The following NRG3 variants were observed in gnomAD, a reference collection of about 807,000 sequenced individuals.
NRG3 encodes the protein pro-neuregulin-3, membrane-bound isoform.
A neutral mutation model predicts 66.9 loss-of-function variants in NRG3; 31 were observed. The ratio of observed to expected loss-of-function variants is 0.46; its 90% CI spans 0.35 to 0.63. The LOEUF (loss-of-function observed/expected upper bound fraction) is 0.63, where lower values mean the gene tolerates loss of function less well. Ranked by LOEUF, NRG3 falls within the 20% of genes least tolerant of loss-of-function variation. The pLI, the probability that NRG3 is intolerant of heterozygous loss-of-function variation, is 0.00. For synonymous variants in NRG3, 393 were observed against 359.4 expected, an observed-to-expected ratio of 1.09 and a Z score of -1.06; for missense variants, 910 against 878.9, an observed-to-expected ratio of 1.04 and a Z score of -0.45.
chr10:82,687,720 T>C (rs1200940688), intron 2 of NRG3, among the ~76,000 whole-genome samples: 3 of 151,900 alleles, frequency 2.0e-5, no homozygotes, highest in Non-Finnish European at 4.4e-5. Context: ...AAATGTAATA[T>C]GGTGGGGGGA....
At chr10:82,801,647 C>T (rs1340833091) in intron 3 of NRG3, among the ~76,000 whole-genome samples, 1 of 152,110 alleles carries the variant, frequency 6.6e-6, no homozygotes, top group Non-Finnish European at 1.5e-5. Flanking sequence ...GCAGCAGAGT[C>T]CAATGTGATA....
intron 1 of NRG3, among the ~76,000 whole-genome samples, chr10:82,017,082 C>T (rs922814098): frequency 2.0e-5 from 3 of 152,112 alleles, no homozygotes; most frequent in South Asian, 2.1e-4. Context: ...TATCCCTCTC[C>T]CCTCTCCCCA....
At chr10:82,935,614 T>G (rs1847987836) in intron 4 of NRG3, among the ~76,000 whole-genome samples, 1 of 152,090 alleles carries the variant, frequency 6.6e-6, no homozygotes. Flanking sequence ...AATTCTATGT[T>G]ATTATTTTTC....
intron 3 of NRG3, among the ~76,000 whole-genome samples, chr10:82,820,421 G>A (rs11815626): frequency 1.3e-3 from 192 of 152,084 alleles, no homozygotes; most frequent in African/African-American, 4.2e-3. Context: ...AATTTAGAGT[G>A]GAAACACCTT....
At chr10:82,520,678 A>C (rs1846097561) in intron 2 of NRG3, among the ~76,000 whole-genome samples, 1 of 152,210 alleles carries the variant, frequency 6.6e-6, no homozygotes, top group African/African-American at 2.4e-5. Flanking sequence ...CAATGCAGGA[A>C]GAGAACAACT....
intron 3 of NRG3, among the ~76,000 whole-genome samples, chr10:82,861,316 A>C (rs774476965): frequency 6.6e-6 from 1 of 152,346 alleles, no homozygotes; most frequent in Admixed American, 6.5e-5. Flanking sequence ...AAATACAAAA[A>C]TATAAATGCC....
intron 2 of NRG3, among the ~76,000 whole-genome samples, chr10:82,623,014 C>T (rs954879859): frequency 7.9e-5 from 12 of 151,314 alleles, no homozygotes; most frequent in Admixed American, 4.0e-4. Flanking sequence ...AGTTAAGGAG[C>T]ATTTGTATTA....
At chr10:82,607,818 T>C (rs904617020) in intron 2 of NRG3, among the ~76,000 whole-genome samples, 3 of 152,094 alleles carry the variant, frequency 2.0e-5, no homozygotes, top group African/African-American at 7.2e-5. Flanking sequence ...TCCTATTTAA[T>C]ATAAAACAAT....
intron 2 of NRG3, among the ~76,000 whole-genome samples, chr10:82,584,585 T>G (rs2133246136): frequency 6.6e-6 from 1 of 152,350 alleles, no homozygotes; most frequent in Admixed American, 6.5e-5. Flanking sequence ...CTCACTTTCC[T>G]TTGGGAATGA....
intron 3 of NRG3, among the ~76,000 whole-genome samples, chr10:82,780,802 A>C (rs578028984): frequency 6.6e-6 from 1 of 152,208 alleles, no homozygotes; most frequent in South Asian, 2.1e-4. Context: ...AGGCAGGGTT[A>C]TCTCCATTAG....
intron 1 of NRG3, among the ~76,000 whole-genome samples, chr10:81,963,412 C>T (rs989860174): frequency 6.7e-6 from 1 of 148,450 alleles, no homozygotes; most frequent in African/African-American, 2.5e-5. Context: ...GGATTACAGG[C>T]GTGAGCCACC....
chr10:82,450,752 G>A (rs2090983136), intron 2 of NRG3, among the ~76,000 whole-genome samples: 2 of 152,084 alleles, frequency 1.3e-5, no homozygotes, highest in Non-Finnish European at 2.9e-5. Context: ...CATTTATCAA[G>A]TTCAACACTG....
intron 2 of NRG3, among the ~76,000 whole-genome samples, chr10:82,677,628 G>A (rs2053807810): frequency 6.6e-6 from 1 of 152,032 alleles, no homozygotes; most frequent in African/African-American, 2.4e-5. Flanking sequence ...ACTATTAGCA[G>A]GGGCAAATTG....
At chr10:82,221,270 A>G (rs555178525) in intron 1 of NRG3, among the ~76,000 whole-genome samples, 28 of 109,968 alleles carry the variant, frequency 2.5e-4, no homozygotes, top group African/African-American at 5.5e-4. Flanking sequence ...GAGAAAGAGG[A>G]AAAAAAAAAA....
intron 1 of NRG3, among the ~76,000 whole-genome samples, chr10:81,895,420 C>T (rs372901049): frequency 2.6e-5 from 4 of 152,060 alleles, no homozygotes; most frequent in African/African-American, 9.7e-5. Context: ...AGTTTTAAGC[C>T]CCGCCCCTGC....
intron 1 of NRG3, among the ~76,000 whole-genome samples, chr10:82,348,457 C>T (rs1366614133): frequency 6.7e-6 from 1 of 150,358 alleles, no homozygotes; most frequent in Non-Finnish European, 1.5e-5. Flanking sequence ...TGATGGGCTT[C>T]CCTTTGAGGG....
intron 1 of NRG3, among the ~76,000 whole-genome samples, chr10:81,939,007 T>TCCTC (rs1848164734): frequency 6.6e-6 from 1 of 152,100 alleles, no homozygotes; most frequent in African/African-American, 2.4e-5. Flanking sequence ...CTGTATCCAT[T>TCCTC]GAGGTGACCA....
chr10:82,594,213 G>T (rs987007423), intron 2 of NRG3, among the ~76,000 whole-genome samples: 4 of 152,066 alleles, frequency 2.6e-5, no homozygotes, highest in African/African-American at 9.7e-5. Context: ...AGATGAATTT[G>T]GGTTCATAAG....
intron 2 of NRG3, among the ~76,000 whole-genome samples, chr10:82,664,768 C>T (rs1414505976): frequency 6.6e-6 from 1 of 151,676 alleles, no homozygotes; most frequent in African/African-American, 2.4e-5. Flanking sequence ...CATCCGTGTT[C>T]CCACAGCATG....
Sources: allele counts gnomAD v4.1 joint callset (sites outside exome capture counted in the v4.1 genomes callset), GRCh38; gene constraint gnomAD v4.1.1; transcripts MANE v1.5; gene names NCBI Gene and HGNC (gene_info 2026-07-23, HGNC 2026-07-21).